TLR3: variants seen among roughly 807,000 people sequenced by gnomAD.
TLR3 encodes toll-like receptor 3.
In TLR3, 43 loss-of-function variants were observed where a neutral mutation model predicts 66.4. The ratio of observed to expected loss-of-function variants is 0.65; its 90% CI spans 0.51 to 0.83. The LOEUF is 0.83. Ranked by LOEUF, TLR3 falls within the 40% of genes least tolerant of loss-of-function variation. The pLI is 0.00. For synonymous variants in TLR3, 397 were observed against 397.2 expected (o/e 1.00, Z 0.01); for missense variants, 982 against 1,044.6 (o/e 0.94, Z 0.83).
In TLR3 at chr4:186,082,497, C is replaced by T. The variant is rs1561371961; in HGVS notation, c.811C>T (p.Leu271=). 6.2e-7 allele frequency: 1 copy of T among 1,614,136 alleles called. No individual in the cohort carries two copies. The highest frequency in any genetic ancestry group is 8.5e-7 in the Non-Finnish European group (1 of 1,180,026). Residue 271 remains leucine, a synonymous_variant, in exon 4 of 5, where the codon CTA becomes TTA. Transcript: ENST00000296795. Reference sequence around the variant, plus strand: ...CACCAGCAATACAACTTTCTTGGGACTAAAGTGGACAAATCTCACTATGCT... The same window carrying T: ...CACCAGCAATACAACTTTCTTGGGATTAAAGTGGACAAATCTCACTATGCT... ...STTSNTTFLG[L]KWTNLTMLDL...
intron 1 of TLR3, among the ~76,000 whole-genome samples, chr4:186,071,066 C>T (rs2099301380): frequency 1.3e-5 from 2 of 152,058 alleles, no homozygotes; most frequent in South Asian, 4.1e-4. Flanking sequence ...TATTGTTTTC[C>T]AGTGGTTCAT....
rs749653770 is a variant in TLR3, at chr4:186,076,875, A to T, written c.256A>T (p.Thr86Ser). Residue 86 changes from threonine to serine, a missense_variant, in exon 2 of 5, where the codon ACC (threonine) becomes TCC (serine). By Grantham distance (58) the Thr-to-Ser change is moderately conservative. Around this residue, in one of 3 missense-constraint regions of TLR3, gnomAD observed 313 missense variants for 319.0 expected, o/e 0.98. Transcript: ENST00000296795. The stretch of plus-strand genomic sequence containing the variant: ...AACTAGCTTGGATGTAGGATTTAAC[A>T]CCATCTCAAAACTGGAGCCAGAATT... Reference protein sequence around the residue: ...QLTSLDVGFNTISKLEPELCQ... With the variant: ...QLTSLDVGFNSISKLEPELCQ... The T allele has an allele frequency of 4.6e-5, 74 of 1,614,070 alleles. No homozygotes were observed. Among genetic ancestry groups the T allele is most frequent in the Non-Finnish European group, 6.1e-5 (72 of 1,180,044 alleles).
In TLR3 at chr4:186,070,042, A is replaced by G. The variant is rs1469865677; in HGVS notation, c.-8+794A>G. Among the ~76,000 whole-genome samples the G allele has an allele frequency of 3.3e-5, 5 of 152,252 alleles. No individual in the cohort carries two copies. The East Asian group carries it at 9.6e-4, about 29-fold the overall frequency. ...AGACCCCATGTCCTAACCATCAGGCAATATTGTCTCTCACTTGGACAAAGA... is the reference window on the plus strand; with the variant it reads ...AGACCCCATGTCCTAACCATCAGGCGATATTGTCTCTCACTTGGACAAAGA... On this transcript the variant is annotated intron_variant, in intron 1 of 4. Coordinates refer to ENST00000296795, the MANE Select transcript of TLR3 (RefSeq NM_003265.3).
Position 186,084,170 on chromosome 4 carries a change from A to C in TLR3, c.2484A>C (p.Lys828Asn). 6.2e-7 allele frequency: 1 copy of C among 1,613,626 alleles called. No individual in the cohort carries two copies. Among genetic ancestry groups the C allele is most frequent in the Non-Finnish European group, 8.5e-7 (1 of 1,179,758 alleles). The change falls in exon 4 of 5, where the codon AAA (lysine) becomes AAC (asparagine). Residue 828 changes from lysine to asparagine, a missense_variant and splice_region_variant. Lys to Asn is a moderately conservative substitution (Grantham distance 94, BLOSUM62 0). Around this residue, in one of 3 missense-constraint regions of TLR3, gnomAD observed 666 missense variants for 709.0 expected, o/e 0.94. Coordinates refer to ENST00000296795, the MANE Select transcript of TLR3 (RefSeq NM_003265.3). ...THHLLKDPLC[K>N]RFKVHHAVQQ... is the part of the protein sequence containing the mutation. The stretch of plus-strand genomic sequence containing the variant: ...ATCTATTAAAAGACCCATTATGCAA[A>C]AGGTAGGTAAACATTGTGAAATTTT...
intron 3 of TLR3, 70 bp downstream of exon 3, chr4:186,079,101 A>G (rs1458983744): frequency 4.5e-6 from 6 of 1,337,042 alleles, no homozygotes; most frequent in Non-Finnish European, 6.3e-6. Flanking sequence ...TGTCACATAC[A>G]CAGGAATGTA....
chr4:186,072,283 A>G (rs2099301609), intron 1 of TLR3, among the ~76,000 whole-genome samples: 1 of 152,164 alleles, frequency 6.6e-6, no homozygotes, highest in South Asian at 2.1e-4. Flanking sequence ...GAGAAGGGGA[A>G]GGTGCCACAC....
At chr4:186,079,149 C>T in intron 3 of TLR3, 118 bp downstream of exon 3, 2 of 957,062 alleles carry the variant, frequency 2.1e-6, no homozygotes, top group South Asian at 1.5e-5. Flanking sequence ...AGCAATCCTT[C>T]CCACCTACTG....
At chr4:186,070,843 A>G (rs2099301329) in intron 1 of TLR3, among the ~76,000 whole-genome samples, 2 of 151,706 alleles carry the variant, frequency 1.3e-5, no homozygotes, top group South Asian at 4.2e-4. Context: ...AGCTGGAACT[A>G]CAGGCTTGTG....
chr4:186,078,495 A>G (rs2099302836), intron 2 of TLR3, among the ~76,000 whole-genome samples: 1 of 152,210 alleles, frequency 6.6e-6, no homozygotes, highest in African/African-American at 2.4e-5. Flanking sequence ...AATTTCTTGC[A>G]TCATAAGTAA....
rs2099304481 is a variant in TLR3, at chr4:186,087,098, A to G, written c.*2225A>G. The G allele has an allele frequency of 6.6e-6, 1 of 152,208 alleles. No individual in the cohort carries two copies. Among genetic ancestry groups the G allele is most frequent in the Non-Finnish European group, 1.5e-5 (1 of 68,034 alleles). 9.4% of individuals were successfully genotyped at this position (152,208 alleles called of 1,614,324 possible). ...AATGAATAGCTGTCACAGCTGAGGT[A>G]GAGTTACAGTGATTTACTTGGTGGT... On this transcript the variant is annotated 3_prime_UTR_variant, in exon 5 of 5. Coordinates refer to ENST00000296795, the MANE Select transcript of TLR3 (RefSeq NM_003265.3).
At chr4:186,081,390 C>G (rs1266617943) in intron 3 of TLR3, among the ~76,000 whole-genome samples, 1 of 152,160 alleles carries the variant, frequency 6.6e-6, no homozygotes, top group East Asian at 1.9e-4. Context: ...TTCTCTTGTC[C>G]CCGAAGTGAG....
At chr4:186,071,022 AT>A (rs1159056552) in intron 1 of TLR3, among the ~76,000 whole-genome samples, 2 of 152,234 alleles carry the variant, frequency 1.3e-5, no homozygotes, top group Non-Finnish European at 2.9e-5. Context: ...TAAATTCAAA[AT>A]AATTTTCTCT....
chr4:186,072,294 A>G (rs1401773371), intron 1 of TLR3, among the ~76,000 whole-genome samples: 1 of 152,086 alleles, frequency 6.6e-6, no homozygotes, highest in Non-Finnish European at 1.5e-5. Context: ...GGTGCCACAC[A>G]CTTTTATTTT....
At chr4:186,070,213 C>T (rs1014350560) in intron 1 of TLR3, among the ~76,000 whole-genome samples, 1 of 152,128 alleles carries the variant, frequency 6.6e-6, no homozygotes, top group Non-Finnish European at 1.5e-5. Flanking sequence ...CCTTTAACTG[C>T]ATTTTTGCTT....
chr4:186,084,143 C>T lies in TLR3; in HGVS notation c.2457C>T (p.His819=). 6.2e-7 allele frequency: 1 copy of T among 1,613,800 alleles called. No homozygotes were observed. The highest frequency in any genetic ancestry group is 8.5e-7 in the Non-Finnish European group (1 of 1,179,958). Residue 819 remains histidine, a synonymous_variant, in exon 4 of 5, where the codon CAC becomes CAT. Transcript: ENST00000296795. ...GAAAAATTATTTTTGTTATAACACA[C>T]CATCTATTAAAAGACCCATTATGCA... ...RSRKIIFVIT[H]HLLKDPLCKR...
Position 186,082,372 on chromosome 4 carries a change from A to G in TLR3, c.686A>G (p.Asn229Ser). 1.2e-6 allele frequency: 2 copies of G among 1,614,056 alleles called. No individual in the cohort carries two copies. Among genetic ancestry groups the G allele is most frequent in the Admixed American group, 1.7e-5 (1 of 60,024 alleles). The change falls in exon 4 of 5, where the codon AAC (asparagine) becomes AGC (serine). Residue 229 changes from asparagine (N) to serine (S), a missense_variant. By Grantham distance (46) the Asn-to-Ser change is conservative. This residue lies in a region of TLR3 where 313 missense variants were observed against 319.0 expected (regional missense o/e 0.98). Transcript: ENST00000296795. ...GGAAGATTATTTGGCCTCTTTCTGA[A>G]CAATGTCCAGCTGGGTCCCAGCCTT... Reference protein sequence around the residue: ...AIGRLFGLFLNNVQLGPSLTE... With the variant: ...AIGRLFGLFLSNVQLGPSLTE...
intron 2 of TLR3, among the ~76,000 whole-genome samples, chr4:186,078,307 T>G (rs1212268949): frequency 2.0e-5 from 3 of 152,114 alleles, no homozygotes; most frequent in Admixed American, 2.0e-4. Flanking sequence ...AACTTAATAT[T>G]CTGTACTAGT....
intron 3 of TLR3, among the ~76,000 whole-genome samples, chr4:186,080,993 G>T (rs771996614): frequency 6.6e-6 from 1 of 152,164 alleles, no homozygotes; most frequent in Non-Finnish European, 1.5e-5. Context: ...ATAAACAAAT[G>T]AGTTAAAATG....
At chr4:186,072,296 T>C (rs1184329757) in intron 1 of TLR3, among the ~76,000 whole-genome samples, 2 of 152,116 alleles carry the variant, frequency 1.3e-5, no homozygotes, top group African/African-American at 4.8e-5. Flanking sequence ...TGCCACACAC[T>C]TTTATTTTTT....
Sources: gnomAD v4.1 joint callset for allele counts (sites outside exome capture counted in the v4.1 genomes callset) on GRCh38, gnomAD v4.1.1 for gene constraint, gnomAD v4.1.1 regional missense constraint, MANE v1.5 for transcripts, NCBI Gene and HGNC (gene_info 2026-07-23, HGNC 2026-07-21) for gene names.